The following CMTM8 variants were observed in gnomAD, a reference collection of about 807,000 sequenced individuals.
CMTM8 encodes CKLF-like MARVEL transmembrane domain-containing protein 8.
Under a neutral mutation model 18.6 loss-of-function variants are expected in CMTM8, and 12 were observed. That is an observed-to-expected ratio of 0.65 (90% CI 0.41 to 1.05). The LOEUF (loss-of-function observed/expected upper bound fraction) is 1.05. Ranked by LOEUF, CMTM8 falls within the 50% of genes least tolerant of loss-of-function variation. The pLI, the probability that CMTM8 is intolerant of heterozygous loss-of-function variation, is 0.00. For missense variants in CMTM8, 217 were observed against 227.2 expected (o/e 0.95, Z 0.29); for synonymous variants, 87 against 90.6 (o/e 0.96, Z 0.23).
At chr3:32,350,109 A>G (rs745744131) in intron 1 of CMTM8, among the ~76,000 whole-genome samples, 7 of 152,170 alleles carry the variant, frequency 4.6e-5, no homozygotes, top group Admixed American at 2.6e-4. Flanking sequence ...AAGTGGGGCA[A>G]TCACCCAGCA....
At chr3:32,330,342 C>G (rs1696248469) in intron 1 of CMTM8, among the ~76,000 whole-genome samples, 1 of 151,558 alleles carries the variant, frequency 6.6e-6, no homozygotes, top group South Asian at 2.1e-4. Context: ...AAAGGTGATA[C>G]AAGCTGGGCA....
At chr3:32,361,628 G>A (rs551463513) in intron 2 of CMTM8, among the ~76,000 whole-genome samples, 14 of 152,214 alleles carry the variant, frequency 9.2e-5, no homozygotes, top group Non-Finnish European at 1.8e-4. Flanking sequence ...ATAATCTTGC[G>A]TGTAGTGCCT....
At chr3:32,305,375 G>A (rs1298021543) in intron 1 of CMTM8, among the ~76,000 whole-genome samples, 5 of 152,040 alleles carry the variant, frequency 3.3e-5, no homozygotes, top group Admixed American at 2.6e-4. Flanking sequence ...GTCACAACTA[G>A]GAGGGTGGTA....
In CMTM8 at chr3:32,358,450, AT is replaced by A. The variant is rs201680074; in HGVS notation, c.321+911del. On this transcript the variant is annotated intron_variant, in intron 2 of 3. Transcript: ENST00000307526. The surrounding 1 kb of genome is among the most constrained non-coding windows in gnomAD (Gnocchi z 4.1). ...TAAAACAGAGCTCTCCAGTGATACTATTTTTTTGTCTGTTTTCAACCAATAT... is the reference window on the plus strand; with the variant it reads ...TAAAACAGAGCTCTCCAGTGATACTATTTTTTGTCTGTTTTCAACCAATAT... Among the ~76,000 whole-genome samples the A allele has an allele frequency of 0.015, 2,313 of 152,270 alleles. 61 individuals are homozygous for A. Among genetic ancestry groups the A allele is most frequent in the African/African-American group, 0.052 (2,159 of 41,548 alleles).
At chr3:32,256,131 C>T (rs1702170955) in intron 1 of CMTM8, among the ~76,000 whole-genome samples, 1 of 152,184 alleles carries the variant, frequency 6.6e-6, no homozygotes, top group Admixed American at 6.5e-5. Flanking sequence ...TAGGGTGTCA[C>T]TCTGTCACCT....
intron 1 of CMTM8, among the ~76,000 whole-genome samples, chr3:32,352,592 A>G (rs1039623571): frequency 1.3e-5 from 2 of 152,246 alleles, no homozygotes; most frequent in African/African-American, 4.8e-5. Flanking sequence ...AACAGATGTC[A>G]GACATAAGAC....
intron 1 of CMTM8, among the ~76,000 whole-genome samples, chr3:32,296,213 TCCTC>T (rs1702876573): frequency 6.6e-6 from 1 of 152,050 alleles, no homozygotes; most frequent in East Asian, 1.9e-4. Flanking sequence ...GCTCAAGTGA[TCCTC>T]CCACCTCGGC....
intron 1 of CMTM8, among the ~76,000 whole-genome samples, chr3:32,240,694 C>T (rs559988843): frequency 2.6e-4 from 39 of 152,262 alleles, no homozygotes; most frequent in African/African-American, 9.1e-4. Flanking sequence ...TTTCATTAAG[C>T]GTTTTGAAAA....
chr3:32,355,352 C>T (rs1696796623), intron 1 of CMTM8, among the ~76,000 whole-genome samples: 1 of 152,176 alleles, frequency 6.6e-6, no homozygotes, highest in South Asian at 2.1e-4. Context: ...CAAGTCCAAC[C>T]CTGATCTACT....
At position 32,357,429 on chromosome 3, in the gene CMTM8, C is replaced by T. The variant is rs17854116; in HGVS notation, c.204C>T (p.Pro68=). The change falls in exon 2 of 4, where the codon CCC becomes CCT. Residue 68 remains proline, a synonymous_variant. Coordinates refer to ENST00000307526, the MANE Select transcript of CMTM8 (RefSeq NM_178868.5). ...CTGGAACTGAGTACTTCCGGGTCCC[C>T]GCATTTGGCTGGGTCATGTTTGTAG... is the stretch of plus-strand genomic sequence containing the variant. ...LIAGTEYFRV[P]AFGWVMFVAV... 13 of 1,613,902 alleles carry T rather than the reference C, an allele frequency of 8.1e-6. No individual in the cohort carries two copies. Among genetic ancestry groups the T allele is most frequent in the African/African-American group, 1.3e-5 (1 of 74,882 alleles).
intron 1 of CMTM8, among the ~76,000 whole-genome samples, chr3:32,323,678 T>G (rs1200619483): frequency 6.6e-6 from 1 of 152,212 alleles, no homozygotes; most frequent in African/African-American, 2.4e-5. Context: ...CTGCTGAATC[T>G]CCTTTGGCAT....
chr3:32,335,652 G>C (rs761690238), intron 1 of CMTM8, among the ~76,000 whole-genome samples: 1 of 152,132 alleles, frequency 6.6e-6, no homozygotes, highest in South Asian at 2.1e-4. Flanking sequence ...CAGATGTGTC[G>C]AAGGTCACCT....
At chr3:32,312,737 T>G (rs771612208) in intron 1 of CMTM8, among the ~76,000 whole-genome samples, 26 of 151,744 alleles carry the variant, frequency 1.7e-4, no homozygotes, top group Non-Finnish European at 8.8e-5. Flanking sequence ...GGCTGAAGGT[T>G]CTAACCCTCT....
At chr3:32,269,443 T>A (rs185622435) in intron 1 of CMTM8, among the ~76,000 whole-genome samples, 1 of 152,380 alleles carries the variant, frequency 6.6e-6, no homozygotes, top group East Asian at 1.9e-4. Context: ...TGTTCATACC[T>A]CCCTGGGAAG....
At chr3:32,258,939 C>T (rs1215017524) in intron 1 of CMTM8, 3 of 328,512 alleles carry the variant, frequency 9.1e-6, no homozygotes, top group Non-Finnish European at 1.8e-5. Flanking sequence ...CCCCGGACAG[C>T]GTGAGCTTCA....
At chr3:32,280,571 A>G (rs2125549424) in intron 1 of CMTM8, among the ~76,000 whole-genome samples, 1 of 152,176 alleles carries the variant, frequency 6.6e-6, no homozygotes, top group East Asian at 1.9e-4. Context: ...ACCCCAGAAA[A>G]TTCCATAACC....
intron 1 of CMTM8, among the ~76,000 whole-genome samples, chr3:32,309,309 T>A (rs1347297296): frequency 2.1e-5 from 3 of 145,230 alleles, no homozygotes; most frequent in Non-Finnish European, 4.5e-5. Context: ...AATTTTTTTT[T>A]TTTTTTTTTT....
intron 1 of CMTM8, among the ~76,000 whole-genome samples, chr3:32,319,074 A>ATATTTTTTTTTTT: frequency 2.9e-4 from 9 of 31,528 alleles, no homozygotes; most frequent in East Asian, 3.1e-3. Context: ...ATATATATAT[A>ATATTTTTTTTTTT]TTTTTTTTTT....
intron 1 of CMTM8, among the ~76,000 whole-genome samples, chr3:32,334,329 G>A (rs963936741): frequency 1.3e-5 from 2 of 151,660 alleles, no homozygotes; most frequent in Non-Finnish European, 2.9e-5. Flanking sequence ...TCTATTGACC[G>A]AGCGTGGTGG....
Sources: gnomAD v4.1 joint callset for allele counts (sites outside exome capture counted in the v4.1 genomes callset) on GRCh38, gnomAD v4.1.1 for gene constraint, Gnocchi (gnomAD v3.1) non-coding constraint, MANE v1.5 for transcripts, NCBI Gene and HGNC (gene_info 2026-07-23, HGNC 2026-07-21) for gene names.